The following NPDC1 variants were observed in gnomAD, a reference collection of about 807,000 sequenced individuals.
The protein encoded by NPDC1 is neural proliferation differentiation and control protein 1.
Under a neutral mutation model 32.5 loss-of-function variants are expected in NPDC1, and 18 were observed. The ratio of observed to expected loss-of-function variants is 0.55; its 90% CI spans 0.38 to 0.82. The LOEUF is 0.82. Among genes scored for constraint, NPDC1 ranks in the 40% least tolerant of loss-of-function variants. NPDC1 has a pLI of 0.00. For missense variants in NPDC1, 468 were observed against 406.6 expected (o/e 1.15, Z -1.30); for synonymous variants, 210 against 184.7 (o/e 1.14, Z -1.11).
intron 2 of NPDC1, among the ~76,000 whole-genome samples, chr9:137,041,731 G>T (rs1234645249): frequency 6.6e-6 from 1 of 152,116 alleles, no homozygotes; most frequent in Non-Finnish European, 1.5e-5. Context: ...GACCCTTACA[G>T]CCACTTCTCG....
Position 137,046,109 on chromosome 9 carries a change from G to C in NPDC1, c.-120C>G. 9.2e-7 allele frequency: 1 copy of C among 1,089,052 alleles called. No homozygotes were observed. The highest frequency in any genetic ancestry group is 1.1e-6 in the Non-Finnish European group (1 of 895,814). The allele number at this position is 1,089,052 out of a possible 1,614,324, so 67.5% of individuals were successfully genotyped here. On this transcript the variant is annotated 5_prime_UTR_variant, in exon 1 of 9. Transcript: ENST00000371601. ...GGAGGACGCAGGAGGAAGAAGAGGC[G>C]GATGCCAAGGAGGAGGAGGAGGAAG... is the stretch of plus-strand genomic sequence containing the variant.
intron 1 of NPDC1, chr9:137,043,498 A>C: frequency 1.6e-6 from 1 of 610,804 alleles, no homozygotes. Flanking sequence ...GGGGAGCAGC[A>C]AACGATGCCG....
In NPDC1 at chr9:137,039,847, C is replaced by T. The variant is rs1344433265; in HGVS notation, c.903G>A (p.Val301=). The T allele has an allele frequency of 3.8e-6, 3 of 779,344 alleles. No homozygotes were observed. The highest frequency in any genetic ancestry group is 7.2e-6 in the Non-Finnish European group (3 of 417,970). 48.3% of individuals were successfully genotyped at this position (779,344 alleles called of 1,614,324 possible). A position where few individuals can be genotyped will look rare whatever the true frequency, so the allele number is the denominator to read the frequency against. ...PGLAPTGEME[V]RNPLFDHAAL... is the part of the protein sequence containing the mutation. ...CGGCGTGGTCGAACAGAGGGTTGCG[C>T]ACCTCCATTTCCCCGGTCTGCGAAT... Residue 301 remains valine (V), a synonymous_variant, in exon 9 of 9, where the codon GTG becomes GTA. Coordinates refer to ENST00000371601, the MANE Select transcript of NPDC1 (RefSeq NM_015392.4).
At position 137,045,906 on chromosome 9, in the gene NPDC1, G is replaced by T; in HGVS notation, c.84C>A (p.Ala28=). 8.7e-7 allele frequency: 1 copy of T among 1,144,414 alleles called. No homozygotes were observed. The highest frequency in any genetic ancestry group is 3.6e-4 in the Middle Eastern group (1 of 2,770). The allele number at this position is 1,144,414 out of a possible 1,614,324, so 70.9% of individuals were successfully genotyped here. The change falls in exon 1 of 9, where the codon GCC becomes GCA. Residue 28 remains alanine, a synonymous_variant. Coordinates refer to ENST00000371601, the MANE Select transcript of NPDC1 (RefSeq NM_015392.4). ...LLLSGLVLGA[A]LRGAAAGHPD... ...GGTGGCCGGCGGCGGCTCCACGCAG[G>T]GCGGCGCCGAGGACGAGGCCGGAGA...
rs973240036 is a variant in NPDC1 at position 137,040,411 on chromosome 9, C to T, written c.734G>A (p.Ser245Asn). Residue 245 changes from serine to asparagine, a missense_variant, in exon 7 of 9, where the codon AGC (serine) becomes AAC (asparagine). Physicochemically the swap from Ser to Asn is conservative, Grantham distance 46. Coordinates refer to ENST00000371601, the MANE Select transcript of NPDC1 (RefSeq NM_015392.4). ...GTGCTGGTAGTGGTACATCTCCGCG[C>T]TCTGTGCCAGCCGCTGGTCCCCAGG... ...ISPGDQRLAQ[S>N]AEMYHYQHQR... 4 of 1,550,058 alleles carry T rather than the reference C, an allele frequency of 2.6e-6. No individual in the cohort carries two copies. Among genetic ancestry groups the T allele is most frequent in the Non-Finnish European group, 3.5e-6 (4 of 1,147,832 alleles).
chr9:137,040,267 G>A (rs1476842034), intron 7 of NPDC1, 90 bp downstream of exon 7: 7 of 1,270,878 alleles, frequency 5.5e-6, no homozygotes, highest in Non-Finnish European at 6.5e-6. Flanking sequence ...AGGGCCTGGG[G>A]TAAAGTTGGC....
At chr9:137,042,188 A>T (rs1203884190) in intron 2 of NPDC1, among the ~76,000 whole-genome samples, 1 of 152,064 alleles carries the variant, frequency 6.6e-6, no homozygotes, top group East Asian at 1.9e-4. Flanking sequence ...CCTTGGACCC[A>T]ACACCCCACA....
At chr9:137,044,953 C>T (rs1832109153) in intron 1 of NPDC1, among the ~76,000 whole-genome samples, 3 of 152,244 alleles carry the variant, frequency 2.0e-5, no homozygotes, top group Admixed American at 2.0e-4. Flanking sequence ...CAGGACAGCG[C>T]CTCAGCTGTG....
At position 137,041,052 on chromosome 9, in the gene NPDC1, G is replaced by T; in HGVS notation, c.385+10C>A. On this transcript the variant is annotated intron_variant, in intron 3 of 8. Coordinates refer to ENST00000371601, the MANE Select transcript of NPDC1 (RefSeq NM_015392.4). ...ACAGGGCCGTGGGGCAGGGGAAGCG[G>T]GGGTCTCACCAGGCTCCGGGAGCCG... The T allele has an allele frequency of 6.6e-7, 1 of 1,520,292 alleles. No homozygotes were observed. The highest frequency in any genetic ancestry group is 1.3e-5 in the South Asian group (1 of 75,666). The allele number at this position is 1,520,292 out of a possible 1,614,324, so 94.2% of individuals were successfully genotyped here. A position where few individuals can be genotyped will look rare whatever the true frequency, so the allele number is the denominator to read the frequency against.
In NPDC1 at chr9:137,041,000, G is replaced by A; in HGVS notation, c.386-16C>T. ...CCCAGGGTGGCTGCGAGAGAGGACA[G>A]GTTAGAATGAGAGCACTGGGCTAGG... On this transcript the variant is annotated splice_polypyrimidine_tract_variant and intron_variant, in intron 3 of 8. Coordinates refer to ENST00000371601, the MANE Select transcript of NPDC1 (RefSeq NM_015392.4). 3 of 1,527,888 alleles carry A rather than the reference G, an allele frequency of 2.0e-6. No individual in the cohort carries two copies. Among genetic ancestry groups the A allele is most frequent in the Non-Finnish European group, 2.6e-6 (3 of 1,139,480 alleles). The allele number at this position is 1,527,888 out of a possible 1,614,324, so 94.6% of individuals were successfully genotyped here.
rs1422410800 is a variant in NPDC1, at chr9:137,040,508, A to G, written c.708+6T>C. The G allele has an allele frequency of 6.3e-7, 1 of 1,588,034 alleles. No individual in the cohort carries two copies. Among genetic ancestry groups the G allele is most frequent in the Non-Finnish European group, 8.5e-7 (1 of 1,172,040 alleles). ...GGGAGCCTCAGGGCTGAAGGGGGCCACACACCGAGATCCGGGGAGCTGCAG... is the reference window on the plus strand; with the variant it reads ...GGGAGCCTCAGGGCTGAAGGGGGCCGCACACCGAGATCCGGGGAGCTGCAG... On this transcript the variant is annotated splice_donor_region_variant and intron_variant, in intron 6 of 8. Transcript: ENST00000371601.
At chr9:137,040,316 G>C (rs1246315181) in intron 7 of NPDC1, 41 bp downstream of exon 7, 1 of 1,473,376 alleles carries the variant, frequency 6.8e-7, no homozygotes, top group African/African-American at 1.4e-5. Context: ...GGGGATGGGG[G>C]GTGGGTGGGT....
rs550012505 is a variant in NPDC1, at chr9:137,040,795, A to AC, written c.556+18dup. On this transcript the variant is annotated intron_variant, in intron 4 of 8. Coordinates refer to ENST00000371601, the MANE Select transcript of NPDC1 (RefSeq NM_015392.4). ...GCAGGGCGCCCTGCTGCCCCTGCCC[A>AC]CCCCCGACCAAGACCTACCAAGGGC... The AC allele has an allele frequency of 4.4e-4, 704 of 1,585,584 alleles. 3 individuals carry two copies. In the East Asian group the frequency reaches 0.012, roughly 27 times the overall value.
In NPDC1 at chr9:137,040,915, G is replaced by T. The variant is rs540657114; in HGVS notation, c.455C>A (p.Thr152Lys). 6.4e-7 allele frequency: 1 copy of T among 1,571,068 alleles called. No homozygotes were observed. Among genetic ancestry groups the T allele is most frequent in the Admixed American group, 1.9e-5 (1 of 51,540 alleles). The change falls in exon 4 of 9, where the codon ACG becomes AAG. Residue 152 changes from threonine (T) to lysine (K), a missense_variant. Thr to Lys is a moderately conservative substitution (Grantham distance 78). Coordinates refer to ENST00000371601, the MANE Select transcript of NPDC1 (RefSeq NM_015392.4). ...LGLPSTPGTPTPTPHTSLGSP... is the reference protein window; with the variant it reads ...LGLPSTPGTPKPTPHTSLGSP... ...GCCCAGGGAGGTGTGGGGCGTGGGC[G>T]TGGGGGTTCCTGGAGTGGAGGGGAG...
chr9:137,046,096 A>T lies in NPDC1; in HGVS notation c.-107T>A. 1 of 1,086,008 alleles carries T rather than the reference A, an allele frequency of 9.2e-7. No individual in the cohort carries two copies. Among genetic ancestry groups the T allele is most frequent in the African/African-American group, 1.7e-5 (1 of 59,338 alleles). 67.3% of individuals were successfully genotyped at this position (1,086,008 alleles called of 1,614,324 possible). On this transcript the variant is annotated 5_prime_UTR_variant, in exon 1 of 9. Transcript: ENST00000371601. ...CGGAGGCAGCGGGGGAGGACGCAGG[A>T]GGAAGAAGAGGCGGATGCCAAGGAG...
intron 2 of NPDC1, among the ~76,000 whole-genome samples, chr9:137,042,338 C>T (rs1832069788): frequency 6.6e-6 from 1 of 152,012 alleles, no homozygotes; most frequent in Non-Finnish European, 1.5e-5. Flanking sequence ...ACTGCAAGCT[C>T]TGCCTCCCGG....
chr9:137,045,833 C>A, intron 1 of NPDC1, 45 bp downstream of exon 1: 1 of 987,250 alleles, frequency 1.0e-6, no homozygotes, highest in South Asian at 4.6e-5. Context: ...CCGGCGATCC[C>A]GGCCCCGGGG....
At position 137,042,948 on chromosome 9, in the gene NPDC1, G is replaced by A; in HGVS notation, c.238C>T (p.Pro80Ser). The change falls in exon 2 of 9, where the codon CCC (proline) becomes TCC (serine). Residue 80 changes from proline (P) to serine (S), a missense_variant. Physicochemically the swap from Pro to Ser is moderately conservative, Grantham distance 74. Coordinates refer to ENST00000371601, the MANE Select transcript of NPDC1 (RefSeq NM_015392.4). ...GTACCTGGAGGCCGGCGCATCCTGGGCACACAGAGCCCTTGCTGGTCCTCC... is the reference window on the plus strand; with the variant it reads ...GTACCTGGAGGCCGGCGCATCCTGGACACACAGAGCCCTTGCTGGTCCTCC... ...FQEDQQGLCV[P>S]RMRRPPGGGR... The A allele has an allele frequency of 6.2e-7, 1 of 1,604,418 alleles. No individual in the cohort carries two copies. Among genetic ancestry groups the A allele is most frequent in the Non-Finnish European group, 8.5e-7 (1 of 1,174,184 alleles).
rs553348619 is a variant in NPDC1, at chr9:137,045,616, G to A, written c.112+262C>T. Among the ~76,000 whole-genome samples, 8 of 152,366 alleles carry A rather than the reference G, an allele frequency of 5.3e-5. No homozygotes were observed. In the South Asian group the frequency reaches 1.4e-3, roughly 28 times the overall value. Reference sequence around the variant, plus strand: ...TGAGCCAGACGCGCTCCCGGCGGAAGAAGCCATGAATGTAAGGTACGCCTC... The same window carrying A: ...TGAGCCAGACGCGCTCCCGGCGGAAAAAGCCATGAATGTAAGGTACGCCTC... On this transcript the variant is annotated intron_variant, in intron 1 of 8. Transcript: ENST00000371601.
Sources: allele counts gnomAD v4.1 joint callset (sites outside exome capture counted in the v4.1 genomes callset), GRCh38; gene constraint gnomAD v4.1.1; transcripts MANE v1.5; gene names NCBI Gene and HGNC (gene_info 2026-07-23, HGNC 2026-07-21).